Variants in SLC35F4 observed in about 807,000 individuals in gnomAD.
SLC35F4 encodes the protein chromosome 14 open reading frame 36.
In SLC35F4, 24 loss-of-function variants were observed where a neutral mutation model predicts 44.2. That is an observed-to-expected ratio of 0.54 (90% CI 0.39 to 0.76). The LOEUF is 0.76. SLC35F4 is among the 30% of genes least tolerant of loss of function. The probability of loss-of-function intolerance (pLI) is 0.00; values close to 1 mark genes in which losing one functional copy is unlikely to be tolerated. For missense variants in SLC35F4, 562 were observed against 586.1 expected (o/e 0.96, Z 0.42); for synonymous variants, 238 against 223.6 (o/e 1.06, Z -0.57).
intron 1 of SLC35F4, among the ~76,000 whole-genome samples, chr14:57,781,454 C>T (rs957844016): frequency 4.6e-5 from 7 of 152,098 alleles, no homozygotes; most frequent in African/African-American, 1.4e-4. Flanking sequence ...AATGTTTATA[C>T]ACTGTTGGTA....
At chr14:57,934,436 T>C (rs1048693713) in intron 1 of SLC35F4, among the ~76,000 whole-genome samples, 44 of 151,398 alleles carry the variant, frequency 2.9e-4, no homozygotes, top group African/African-American at 9.9e-4. Flanking sequence ...GCAGTATGCA[T>C]GTTATTTCTC....
intron 1 of SLC35F4, among the ~76,000 whole-genome samples, chr14:57,644,111 A>G (rs1025760828): frequency 6.6e-6 from 1 of 152,228 alleles, no homozygotes; most frequent in Non-Finnish European, 1.5e-5. Flanking sequence ...AGCACGATTT[A>G]TAATTCTTTG....
chr14:57,657,742 T>C (rs1456595117), intron 1 of SLC35F4, among the ~76,000 whole-genome samples: 1 of 152,208 alleles, frequency 6.6e-6, no homozygotes, highest in Non-Finnish European at 1.5e-5. Flanking sequence ...GTAATACTGG[T>C]GGATGACTCA....
chr14:57,636,776 AT>A (rs1475263709), intron 1 of SLC35F4, among the ~76,000 whole-genome samples: 1 of 152,078 alleles, frequency 6.6e-6, no homozygotes, highest in Admixed American at 6.6e-5. Context: ...TTTGCTGTTC[AT>A]TTGATTCAAA....
chr14:57,874,774 C>T (rs1029134118), intron 1 of SLC35F4, among the ~76,000 whole-genome samples: 1 of 152,176 alleles, frequency 6.6e-6, no homozygotes, highest in Admixed American at 6.5e-5. Flanking sequence ...TCTTCTTATC[C>T]TTCTTTCTGT....
At chr14:57,760,363 T>G (rs1027576514) in intron 1 of SLC35F4, among the ~76,000 whole-genome samples, 2 of 152,210 alleles carry the variant, frequency 1.3e-5, no homozygotes, top group African/African-American at 4.8e-5. Flanking sequence ...ATCTCTGGAC[T>G]GTCTATTTTA....
At chr14:57,633,998 A>C (rs1301155149) in intron 1 of SLC35F4, among the ~76,000 whole-genome samples, 2 of 152,126 alleles carry the variant, frequency 1.3e-5, no homozygotes, top group Admixed American at 6.6e-5. Flanking sequence ...TAGGAGAGTT[A>C]GAATCCAGAA....
intron 1 of SLC35F4, among the ~76,000 whole-genome samples, chr14:57,627,486 CTTACT>C (rs143689062): frequency 0.067 from 10,206 of 152,066 alleles, 961 homozygotes; most frequent in African/African-American, 0.21. Flanking sequence ...TGGAATTATA[CTTACT>C]TTAAATAATT....
At position 57,946,036 on chromosome 14, in the gene SLC35F4, A is replaced by G. The variant is rs188261575; in HGVS notation, n.282+35877T>C. 5.4e-3 allele frequency among the ~76,000 whole-genome samples: 829 copies of G among 152,132 alleles called. 7 individuals carry two copies. The highest frequency in any genetic ancestry group is 0.017 in the African/African-American group (696 of 41,484). ...ACTCTGGATATTAGTCCTTTGTTGG[A>G]CGCATAGTTTGCAAATAATTTCTCC... On this transcript the variant is annotated intron_variant and non_coding_transcript_variant, in intron 1 of 1. Coordinates refer to the SLC35F4 transcript ENST00000556568.
intron 1 of SLC35F4, among the ~76,000 whole-genome samples, chr14:57,706,258 T>A (rs1345315342): frequency 6.6e-6 from 1 of 152,198 alleles, no homozygotes; most frequent in Non-Finnish European, 1.5e-5. Context: ...AAAAATGACA[T>A]CATTGTCCTA....
At chr14:57,615,356 C>CTTTCTT (rs1555361289) in intron 1 of SLC35F4, among the ~76,000 whole-genome samples, 263 of 21,022 alleles carry the variant, frequency 0.013, 1 homozygote, top group African/African-American at 0.028. Context: ...AAACATTTTC[C>CTTTCTT]TTTTTTTTTT....
intron 2 of SLC35F4, among the ~76,000 whole-genome samples, 185 bp from the exon 3 acceptor site, chr14:57,589,698 G>T (rs1218804454): frequency 6.6e-6 from 1 of 152,220 alleles, no homozygotes; most frequent in Admixed American, 6.5e-5. Context: ...TGGACTCTGT[G>T]CTCTGCACAA....
rs773295044 is a variant in SLC35F4, at chr14:57,581,292, G to A, written c.729C>T (p.Ser243=). 48 of 1,613,496 alleles carry A rather than the reference G, an allele frequency of 3.0e-5. No homozygotes were observed. Among genetic ancestry groups the A allele is most frequent in the South Asian group, 5.5e-5 (5 of 91,002 alleles). The stretch of plus-strand genomic sequence containing the variant: ...AGGCTTTGTTACAACAGAACAGAGC[G>A]GAGACATCCGTGGCCGTCAGCTTCT... ...ALKKLTATDV[S]ALFCCNKAFV... is the part of the protein sequence containing the mutation. The change falls in exon 4 of 8, where the codon TCC becomes TCT. Residue 243 remains serine (S), a synonymous_variant. Coordinates refer to ENST00000556826, the MANE Select transcript of SLC35F4 (RefSeq NM_001306087.2).
chr14:57,717,782 G>A (rs2075981518), intron 1 of SLC35F4, among the ~76,000 whole-genome samples: 1 of 152,118 alleles, frequency 6.6e-6, no homozygotes, highest in African/African-American at 2.4e-5. Context: ...TTTTGCTACA[G>A]GCATGCAATG....
chr14:57,853,533 C>T (rs1886783541), intron 1 of SLC35F4, among the ~76,000 whole-genome samples: 1 of 152,176 alleles, frequency 6.6e-6, no homozygotes, highest in African/African-American at 2.4e-5. Flanking sequence ...AAACCGCCAC[C>T]ATCAATAGGG....
intron 1 of SLC35F4, among the ~76,000 whole-genome samples, chr14:57,881,898 T>G (rs62005014): frequency 0.15 from 23,279 of 152,222 alleles, 1,892 homozygotes; most frequent in East Asian, 0.23. Flanking sequence ...ATCTTCCTTA[T>G]TTCCACGCCT....
At chr14:57,867,712 T>A (rs1310307924), upstream of SLC35F4, among the ~76,000 whole-genome samples, 1 of 152,134 alleles carries the variant, frequency 6.6e-6, no homozygotes, top group African/African-American at 2.4e-5. Flanking sequence ...GTTCATCACA[T>A]ATAATTTTAA....
chr14:57,865,657 C>G, intron 1 of SLC35F4, 66 bp downstream of exon 1: 1 of 1,371,848 alleles, frequency 7.3e-7, no homozygotes, highest in South Asian at 1.3e-5. Context: ...GTCCGCATCC[C>G]CGCGGCACCC....
intron 1 of SLC35F4, among the ~76,000 whole-genome samples, chr14:57,646,480 C>G (rs1241938454): frequency 6.6e-6 from 1 of 152,090 alleles, no homozygotes; most frequent in Admixed American, 6.6e-5. Context: ...TCCCCTTTGT[C>G]ATTTTTTATT....
Sources: allele counts gnomAD v4.1 joint callset (sites outside exome capture counted in the v4.1 genomes callset), GRCh38; gene constraint gnomAD v4.1.1; transcripts MANE v1.5; gene names NCBI Gene and HGNC (gene_info 2026-07-23, HGNC 2026-07-21).